The following HSF1 variants were observed in gnomAD, a reference collection of about 807,000 sequenced individuals.
The protein encoded by HSF1 is heat shock transcription factor 1, also known as heat shock factor protein 1.
In HSF1, 32 loss-of-function variants were observed where a neutral mutation model predicts 51.7. The ratio of observed to expected loss-of-function variants is 0.62; its 90% confidence interval spans 0.47 to 0.83. The LOEUF (loss-of-function observed/expected upper bound fraction) is 0.83, where lower values mean the gene tolerates loss of function less well. HSF1 is among the 40% of genes least tolerant of loss of function. The pLI, the probability that HSF1 is intolerant of heterozygous loss-of-function variation, is 0.00. For synonymous variants in HSF1, 396 were observed against 309.7 expected, an observed-to-expected ratio of 1.28 and a Z score of -2.92; for missense variants, 727 against 717.0, an observed-to-expected ratio of 1.01 and a Z score of -0.16.
intron 1 of HSF1, among the ~76,000 whole-genome samples, chr8:144,308,036 G>A (rs758773058): frequency 6.6e-5 from 10 of 152,164 alleles, no homozygotes; most frequent in Non-Finnish European, 1.2e-4. Context: ...TCCACTTCTA[G>A]TGCCACACCA....
chr8:144,297,463 C>T lies in HSF1; in HGVS notation c.117+5589C>T, dbSNP rs1815546212. Reference sequence around the variant, plus strand: ...TTGTGTGGCGAGAACACGCTGGAAGCTCCTCCAGAGCGGAAACAAGAAGAG... The same window carrying T: ...TTGTGTGGCGAGAACACGCTGGAAGTTCCTCCAGAGCGGAAACAAGAAGAG... On this transcript the variant is annotated intron_variant, in intron 1 of 12. Transcript: ENST00000528838. The surrounding 1 kb of genome is among the most constrained non-coding windows in gnomAD (Gnocchi z 4.6). 6.6e-6 allele frequency among the ~76,000 whole-genome samples: 1 copy of T among 152,206 alleles called. No individual in the cohort carries two copies. Among genetic ancestry groups the T allele is most frequent in the Non-Finnish European group, 1.5e-5 (1 of 68,054 alleles).
chr8:144,311,748 G>A lies in HSF1; in HGVS notation c.772G>A (p.Val258Met), dbSNP rs782042877. 5 of 1,612,824 alleles carry A rather than the reference G, an allele frequency of 3.1e-6. No homozygotes were observed. The highest frequency in any genetic ancestry group is 1.7e-5 in the Admixed American group (1 of 59,962). Residue 258 changes from valine (V) to methionine (M), a missense_variant, in exon 8 of 13, where the codon GTG (valine) becomes ATG (methionine). Val to Met is a conservative substitution (Grantham distance 21). Around this residue, in one of 2 missense-constraint regions of HSF1, gnomAD observed 470 missense variants for 398.8 expected, o/e 1.18. Transcript: ENST00000528838. ...SSSSLYAPDA[V>M]ASSGPIISDI... Reference sequence around the variant, plus strand: ...CTCCAGCCTCTACGCCCCTGATGCTGTGGCCAGCTCTGGACCCATCATCTC... The same window carrying A: ...CTCCAGCCTCTACGCCCCTGATGCTATGGCCAGCTCTGGACCCATCATCTC...
intron 1 of HSF1, among the ~76,000 whole-genome samples, chr8:144,304,692 G>A (rs1050139409): frequency 3.9e-5 from 6 of 152,106 alleles, no homozygotes; most frequent in Non-Finnish European, 8.8e-5. Context: ...TGTCACCCAG[G>A]CTAGAGGGCA....
At chr8:144,302,138 C>G (rs1815930270) in intron 1 of HSF1, among the ~76,000 whole-genome samples, 1 of 151,468 alleles carries the variant, frequency 6.6e-6, no homozygotes, top group Admixed American at 6.6e-5. Flanking sequence ...TGCACTCCAG[C>G]CTGGGCGACA....
rs202242090 is a variant in HSF1 at position 144,311,455 on chromosome 8, C to T, written c.627-50C>T. ...TCCCCCTTCTCTGTCAGCTGTGCCC[C>T]GGGTACCCCGAGGTGGGGGGTGGTG... is the stretch of plus-strand genomic sequence containing the variant. On this transcript the variant is annotated intron_variant, in intron 6 of 12. Coordinates refer to ENST00000528838, the MANE Select transcript of HSF1 (RefSeq NM_005526.4). 953 of 1,612,470 alleles carry T rather than the reference C, an allele frequency of 5.9e-4. 4 individuals are homozygous for T. The African/African-American group carries it at 0.01, about 17-fold the overall frequency.
rs781884871 is a variant in HSF1 at position 144,314,651 on chromosome 8, C to T, written c.*321C>T. The T allele has an allele frequency of 2.4e-6, 1 of 409,502 alleles. No individual in the cohort carries two copies. The highest frequency in any genetic ancestry group is 4.6e-6 in the Non-Finnish European group (1 of 219,328). The allele number at this position is 409,502 out of a possible 1,614,324, so 25.4% of individuals were successfully genotyped here. On this transcript the variant is annotated 3_prime_UTR_variant, in exon 13 of 13. Coordinates refer to ENST00000528838, the MANE Select transcript of HSF1 (RefSeq NM_005526.4). Reference sequence around the variant, plus strand: ...TCCCGTTCCCCGCTCCACAGAGATACACAGATATATACACACAGTGGATGG... The same window carrying T: ...TCCCGTTCCCCGCTCCACAGAGATATACAGATATATACACACAGTGGATGG...
chr8:144,309,831 G>T lies in HSF1; in HGVS notation c.423G>T (p.Leu141=), dbSNP rs782770334. ...KIRQDSVTKL[L]TDVQLMKGKQ... is the part of the protein sequence containing the mutation. ...GCCAGGACAGCGTCACCAAGCTGCT[G>T]ACGGACGTGCAGCTGATGAAGGGGA... The change falls in exon 4 of 13, where the codon CTG becomes CTT. Residue 141 remains leucine, a synonymous_variant. Transcript: ENST00000528838. 2 of 1,613,962 alleles carry T rather than the reference G, an allele frequency of 1.2e-6. No homozygotes were observed. Among genetic ancestry groups the T allele is most frequent in the Admixed American group, 3.3e-5 (2 of 60,024 alleles).
chr8:144,300,407 T>C lies in HSF1; in HGVS notation c.118-8499T>C, dbSNP rs376999500. ...AATTTTGTTGTATTTTTAGTAGAGA[T>C]GGGGTTTCACCGTGTTAGCCAGGAT... On this transcript the variant is annotated intron_variant, in intron 1 of 12. Transcript: ENST00000528838. Among the ~76,000 whole-genome samples the C allele has an allele frequency of 6.3e-4, 95 of 151,908 alleles. 2 individuals are homozygous for C. The South Asian group carries it at 0.015, about 24-fold the overall frequency.
Position 144,312,057 on chromosome 8 carries a change from T to C in HSF1, c.955T>C (p.Ser319Pro), listed in dbSNP as rs1554844846. The C allele has an allele frequency of 6.2e-7, 1 of 1,611,572 alleles. No individual in the cohort carries two copies. Among genetic ancestry groups the C allele is most frequent in the East Asian group, 2.2e-5 (1 of 44,798 alleles). ...AGAGGAGGCGAGTCCCGGGCGCCCATCTTCCGTGGACACCCTCTTGTCCCC... is the reference window on the plus strand; with the variant it reads ...AGAGGAGGCGAGTCCCGGGCGCCCACCTTCCGTGGACACCCTCTTGTCCCC... ...RVEEASPGRP[S>P]SVDTLLSPTA... The change falls in exon 9 of 13, where the codon TCT becomes CCT. Residue 319 changes from serine (S) to proline (P), a missense_variant. Around this residue, in one of 2 missense-constraint regions of HSF1, gnomAD observed 470 missense variants for 398.8 expected, o/e 1.18. Transcript: ENST00000528838.
intron 1 of HSF1, among the ~76,000 whole-genome samples, chr8:144,306,002 G>A (rs1244011022): frequency 6.6e-6 from 1 of 151,928 alleles, no homozygotes; most frequent in Non-Finnish European, 1.5e-5. Flanking sequence ...AAACTGCTGG[G>A]ATTACAGGCG....
chr8:144,308,623 G>A (rs1816384401), intron 1 of HSF1, among the ~76,000 whole-genome samples: 1 of 152,238 alleles, frequency 6.6e-6, no homozygotes, highest in African/African-American at 2.4e-5. Flanking sequence ...GAAGCCCTGG[G>A]GAGGGGCTTT....
rs782226792 is a variant in HSF1 at position 144,313,977 on chromosome 8, C to T, written c.1315-8C>T. The T allele has an allele frequency of 1.1e-5, 18 of 1,611,136 alleles. No individual in the cohort carries two copies. The highest frequency in any genetic ancestry group is 1.5e-5 in the Non-Finnish European group (18 of 1,179,382). On this transcript the variant is annotated splice_region_variant and splice_polypyrimidine_tract_variant and intron_variant, in intron 11 of 12. Transcript: ENST00000528838. ...GGGAGTGCTCACAATACCGTCTCCA[C>T]CCCACAGATCCAAGAGCTCCTGTCT...
intron 1 of HSF1, among the ~76,000 whole-genome samples, chr8:144,307,819 TCTTA>T (rs1402902712): frequency 1.3e-5 from 2 of 152,198 alleles, no homozygotes; most frequent in Non-Finnish European, 2.9e-5. Context: ...AGCCCACTGT[TCTTA>T]CTAAGATTCA....
intron 1 of HSF1, among the ~76,000 whole-genome samples, chr8:144,307,186 C>T (rs1299267102): frequency 1.3e-5 from 2 of 152,224 alleles, no homozygotes; most frequent in African/African-American, 2.4e-5. Flanking sequence ...GCAGCCACAG[C>T]GTTCAAAAAT....
intron 1 of HSF1, among the ~76,000 whole-genome samples, chr8:144,295,503 G>A (rs1220782725): frequency 2.0e-5 from 3 of 152,254 alleles, no homozygotes; most frequent in African/African-American, 4.8e-5. Flanking sequence ...GTAGACGGAG[G>A]CCTCAGGATC....
intron 3 of HSF1, 48 bp from the exon 4 acceptor site, chr8:144,309,724 C>G (rs781809250): frequency 1.2e-6 from 2 of 1,603,720 alleles, no homozygotes; most frequent in South Asian, 1.1e-5. Context: ...CTGAGCCTGC[C>G]AAGCTCCTAG....
intron 1 of HSF1, among the ~76,000 whole-genome samples, chr8:144,308,008 T>A (rs1816335422): frequency 1.3e-5 from 2 of 152,234 alleles, no homozygotes; most frequent in Admixed American, 6.5e-5. Context: ...CACATCTCTC[T>A]ATGCTGGAAA....
chr8:144,312,426 G>A (rs907997233), intron 9 of HSF1, among the ~76,000 whole-genome samples, 182 bp downstream of exon 9: 1 of 152,118 alleles, frequency 6.6e-6, no homozygotes, highest in Non-Finnish European at 1.5e-5. Context: ...AGTCCCAAAC[G>A]CCACAGAAGC....
At chr8:144,301,466 T>C (rs914957573) in intron 1 of HSF1, among the ~76,000 whole-genome samples, 8 of 151,974 alleles carry the variant, frequency 5.3e-5, no homozygotes, top group Non-Finnish European at 1.0e-4. Context: ...AGCTGTAAGC[T>C]CACAAATCCA....
Sources: gnomAD v4.1 joint callset for allele counts (sites outside exome capture counted in the v4.1 genomes callset) on GRCh38, gnomAD v4.1.1 for gene constraint, gnomAD v4.1.1 regional missense constraint, Gnocchi (gnomAD v3.1) non-coding constraint, MANE v1.5 for transcripts, NCBI Gene and HGNC (gene_info 2026-07-23, HGNC 2026-07-21) for gene names.